Variants in COL22A1 observed in about 807,000 individuals in gnomAD.
COL22A1 encodes collagen type XXII alpha 1 chain.
A neutral mutation model predicts 248.9 loss-of-function variants in COL22A1; 221 were observed. That is an observed-to-expected ratio of 0.89 (90% CI 0.80 to 0.99). The LOEUF is 0.99. COL22A1 is among the 50% of genes least tolerant of loss of function. The pLI is 0.00. For synonymous variants in COL22A1, 891 were observed against 793.4 expected (o/e 1.12, Z -2.07); for missense variants, 2,240 against 2,179.0 (o/e 1.03, Z -0.56).
chr8:138,598,919 T>C, intron 60 of COL22A1, 21 bp from the exon 61 acceptor site: 1 of 1,613,186 alleles, frequency 6.2e-7, no homozygotes, highest in South Asian at 1.1e-5. Flanking sequence ...AATAAGCATG[T>C]CAGCATGTGT....
In COL22A1 at chr8:138,755,469, G is replaced by C; in HGVS notation, c.1977+13C>G. On this transcript the variant is annotated intron_variant, in intron 20 of 64. Coordinates refer to ENST00000303045, the MANE Select transcript of COL22A1 (RefSeq NM_152888.3). ...CTAAATCCCCATGAGAAGAAGACGC[G>C]TGTGCCTCTTACCTGTTCCCCTTTC... 1 of 1,610,642 alleles carries C rather than the reference G, an allele frequency of 6.2e-7. No homozygotes were observed. Among genetic ancestry groups the C allele is most frequent in the South Asian group, 1.1e-5 (1 of 91,028 alleles).
chr8:138,821,025 T>A (rs562167617), intron 7 of COL22A1, 111 bp downstream of exon 7: 289 of 1,216,060 alleles, frequency 2.4e-4, no homozygotes, highest in Non-Finnish European at 3.1e-4. Context: ...TCCAAGGTGA[T>A]GATTTGGTAC....
At chr8:138,731,346 A>G (rs1179393764) in intron 23 of COL22A1, among the ~76,000 whole-genome samples, 1 of 152,084 alleles carries the variant, frequency 6.6e-6, no homozygotes, top group East Asian at 1.9e-4. Context: ...TTAGCAGCCA[A>G]TGGTAGGAGG....
At chr8:138,806,106 T>TGGTGTAGGTTAATGGTGTGTGGTGGTGTA (rs1563788549) in intron 10 of COL22A1, among the ~76,000 whole-genome samples, 1 of 10,226 alleles carries the variant, frequency 9.8e-5, no homozygotes, top group Non-Finnish European at 1.7e-4. Flanking sequence ...GATGGTGTGT[T>TGGTGTAGGTTAATGGTGTGTGGTGGTGTA]TGTGTGTGAT....
chr8:138,768,204 T>C (rs1168794844), intron 16 of COL22A1, among the ~76,000 whole-genome samples: 6 of 152,182 alleles, frequency 3.9e-5, no homozygotes, highest in Non-Finnish European at 2.9e-5. Context: ...CAGCCCCCCA[T>C]GGTTCCCATG....
intron 7 of COL22A1, among the ~76,000 whole-genome samples, chr8:138,818,762 C>T (rs1313384932): frequency 6.6e-6 from 1 of 152,246 alleles, no homozygotes. Context: ...CTAGAATTAG[C>T]AGCAGGCTGA....
intron 16 of COL22A1, among the ~76,000 whole-genome samples, chr8:138,775,410 G>C (rs1190506307): frequency 1.3e-5 from 2 of 152,184 alleles, no homozygotes; most frequent in East Asian, 3.8e-4. Context: ...AGTCATGAAG[G>C]AGCCTCCACC....
intron 22 of COL22A1, among the ~76,000 whole-genome samples, chr8:138,745,190 C>CTTTT (rs113552748): frequency 6.8e-6 from 1 of 146,622 alleles, no homozygotes; most frequent in African/African-American, 2.5e-5. Context: ...ACCAACTTTT[C>CTTTT]TTTTTTTTTT....
At chr8:138,863,539 C>T (rs959636839) in intron 3 of COL22A1, among the ~76,000 whole-genome samples, 1 of 152,130 alleles carries the variant, frequency 6.6e-6, no homozygotes, top group Non-Finnish European at 1.5e-5. Flanking sequence ...ACCTGAGTCC[C>T]AATCTACAAA....
intron 30 of COL22A1, among the ~76,000 whole-genome samples, chr8:138,712,254 G>T (rs1829031996): frequency 6.6e-6 from 1 of 152,228 alleles, no homozygotes; most frequent in Non-Finnish European, 1.5e-5. Flanking sequence ...AGCATTATGG[G>T]TCCAAGAATG....
chr8:138,714,225 T>C (rs1829255119), intron 30 of COL22A1, among the ~76,000 whole-genome samples: 1 of 152,142 alleles, frequency 6.6e-6, no homozygotes, highest in Non-Finnish European at 1.5e-5. Context: ...GTTCTGTAGG[T>C]TAGGCGTGTA....
chr8:138,857,498 G>A (rs1282587923), intron 3 of COL22A1, among the ~76,000 whole-genome samples: 2 of 152,172 alleles, frequency 1.3e-5, no homozygotes, highest in Non-Finnish European at 2.9e-5. Context: ...CAAGGCACCT[G>A]AGGCTCGGAG....
intron 3 of COL22A1, among the ~76,000 whole-genome samples, chr8:138,873,866 A>G (rs1420876856): frequency 6.6e-6 from 1 of 152,334 alleles, no homozygotes; most frequent in Non-Finnish European, 1.5e-5. Context: ...TGAATGAATG[A>G]GTGAGTTGGA....
intron 21 of COL22A1, among the ~76,000 whole-genome samples, chr8:138,751,740 T>A (rs533395111): frequency 6.6e-6 from 1 of 152,352 alleles, no homozygotes; most frequent in East Asian, 1.9e-4. Context: ...AGAAACCTAG[T>A]TCGTACTTTA....
At chr8:138,774,410 G>A (rs1329487939) in intron 16 of COL22A1, among the ~76,000 whole-genome samples, 1 of 148,230 alleles carries the variant, frequency 6.7e-6, no homozygotes. Flanking sequence ...CTCACCAAAA[G>A]CATTCTTTTT....
chr8:138,776,011 C>T lies in COL22A1; in HGVS notation c.1759-1G>A. On this transcript the variant is annotated splice_acceptor_variant, in intron 15 of 64. Coordinates refer to ENST00000303045, the MANE Select transcript of COL22A1 (RefSeq NM_152888.3). LOFTEE classifies it high-confidence loss of function. ...TTTCACCTCGTTCTCCTTGGAGACC[C>T]TGGGGGACAAAGAAAGAGCAGTGAC... 2 of 1,614,040 alleles carry T rather than the reference C, an allele frequency of 1.2e-6. No homozygotes were observed. Among genetic ancestry groups the T allele is most frequent in the Non-Finnish European group, 8.5e-7 (1 of 1,179,914 alleles).
At chr8:138,681,924 G>A (rs1825993405) in intron 39 of COL22A1, among the ~76,000 whole-genome samples, 1 of 152,176 alleles carries the variant, frequency 6.6e-6, no homozygotes, top group African/African-American at 2.4e-5. Flanking sequence ...CCAAATTAGT[G>A]TAAGCTTGGG....
At chr8:138,739,442 A>C (rs1831386559) in intron 22 of COL22A1, among the ~76,000 whole-genome samples, 1 of 152,060 alleles carries the variant, frequency 6.6e-6, no homozygotes, top group African/African-American at 2.4e-5. Flanking sequence ...GGCCAGCCTC[A>C]CCAGAATAGC....
intron 22 of COL22A1, 41 bp from the exon 23 acceptor site, chr8:138,737,618 T>C (rs779710622): frequency 2.2e-6 from 3 of 1,388,810 alleles, no homozygotes; most frequent in African/African-American, 2.8e-5. Context: ...AAGCAGGCAA[T>C]TGTCAACCAG....
Sources: allele counts gnomAD v4.1 joint callset (sites outside exome capture counted in the v4.1 genomes callset), GRCh38; gene constraint gnomAD v4.1.1; transcripts MANE v1.5; gene names NCBI Gene and HGNC (gene_info 2026-07-23, HGNC 2026-07-21).